Variants in RBFOX1 observed in about 807,000 individuals in gnomAD.
RBFOX1 encodes the protein RNA binding protein fox-1 homolog 1.
RBFOX1 carries 8 observed loss-of-function variants against 57.7 expected under a neutral mutation model. The observed-to-expected ratio is 0.14, with a 90% CI of 0.08 to 0.25. The LOEUF (loss-of-function observed/expected upper bound fraction) is 0.25. Among genes scored for constraint, RBFOX1 ranks in the 10% least tolerant of loss-of-function variants. The pLI, the probability that RBFOX1 is intolerant of heterozygous loss-of-function variation, is 1.00. For missense variants in RBFOX1, 611 were observed against 548.5 expected, an observed-to-expected ratio of 1.11 and a Z score of -1.14; for synonymous variants, 326 against 222.4, an observed-to-expected ratio of 1.47 and a Z score of -4.15.
intron 4 of RBFOX1, among the ~76,000 whole-genome samples, chr16:5,875,345 C>A (rs998187219): frequency 3.9e-5 from 6 of 152,190 alleles, no homozygotes; most frequent in Admixed American, 1.3e-4. Flanking sequence ...AACACCTGGG[C>A]TGTCTCCACT....
intron 3 of RBFOX1, among the ~76,000 whole-genome samples, chr16:6,892,771 TCTCC>T (rs879408489): frequency 0.095 from 5,548 of 58,576 alleles, 557 homozygotes; most frequent in South Asian, 0.18. Context: ...AGCCTCCCTG[TCTCC>T]CTCTCTCTCT....
intron 3 of RBFOX1, among the ~76,000 whole-genome samples, chr16:7,018,585 A>G (rs1426347927): frequency 3.3e-5 from 5 of 152,070 alleles, no homozygotes; most frequent in African/African-American, 1.2e-4. Context: ...TCCTTTGGGT[A>G]TTTACCCAGT....
At chr16:5,811,062 A>C (rs896642185) in intron 3 of RBFOX1, among the ~76,000 whole-genome samples, 1 of 151,774 alleles carries the variant, frequency 6.6e-6, no homozygotes, top group Admixed American at 6.6e-5. Flanking sequence ...TCCTCCTCAG[A>C]CAACCACTGA....
chr16:7,143,511 C>A (rs116567744), intron 4 of RBFOX1, among the ~76,000 whole-genome samples: 5 of 152,194 alleles, frequency 3.3e-5, no homozygotes, highest in African/African-American at 9.6e-5. Context: ...CTACCCCCGC[C>A]CCTGGAGGCA....
intron 3 of RBFOX1, among the ~76,000 whole-genome samples, chr16:5,738,635 G>GAAAACAAAAA (rs2052666116): frequency 1.6e-5 from 1 of 61,192 alleles, no homozygotes; most frequent in Non-Finnish European, 3.0e-5. Flanking sequence ...CTCTGTCTCA[G>GAAAACAAAAA]AAAAAAAAAA....
chr16:6,996,531 T>G (rs2092263548), intron 3 of RBFOX1, among the ~76,000 whole-genome samples: 1 of 152,222 alleles, frequency 6.6e-6, no homozygotes, highest in South Asian at 2.1e-4. Flanking sequence ...TTGCATACAT[T>G]GTAGTTACTA....
chr16:5,722,662 G>T (rs186345751), intron 3 of RBFOX1, among the ~76,000 whole-genome samples: 1 of 152,120 alleles, frequency 6.6e-6, no homozygotes, highest in Non-Finnish European at 1.5e-5. Context: ...AGACATAGGT[G>T]GTTTCACCTT....
intron 2 of RBFOX1, among the ~76,000 whole-genome samples, chr16:6,465,335 A>C (rs1011698127): frequency 6.6e-6 from 1 of 152,230 alleles, no homozygotes; most frequent in Non-Finnish European, 1.5e-5. Context: ...TTCGTAAAGA[A>C]TAGTACATAC....
At chr16:7,035,636 G>A (rs1435060055) in intron 3 of RBFOX1, among the ~76,000 whole-genome samples, 1 of 152,110 alleles carries the variant, frequency 6.6e-6, no homozygotes, top group Admixed American at 6.6e-5. Context: ...AGCTCTCTGA[G>A]CTCGGTCATT....
rs138876477 is a variant in RBFOX1 at position 7,166,898 on chromosome 16, C to G, written c.27+114800C>G. Among the ~76,000 whole-genome samples, 513 of 149,258 alleles carry G rather than the reference C, an allele frequency of 3.4e-3. 5 individuals are homozygous for G. Among genetic ancestry groups the G allele is most frequent in the East Asian group, 0.017 (84 of 5,062 alleles). On this transcript the variant is annotated intron_variant, in intron 4 of 15. Transcript: ENST00000550418. ...CTGCACAGACACAGCCACCAGTAGC[C>G]TTGCTCTCATTTGAGTTTTTCTTTC...
intron 3 of RBFOX1, among the ~76,000 whole-genome samples, chr16:6,738,802 G>A (rs1231579785): frequency 6.6e-6 from 1 of 152,066 alleles, no homozygotes; most frequent in African/African-American, 2.4e-5. Flanking sequence ...GACAACAGTA[G>A]AATCAAACTA....
chr16:5,432,475 T>A (rs1421698342), intron 1 of RBFOX1, among the ~76,000 whole-genome samples: 1 of 151,990 alleles, frequency 6.6e-6, no homozygotes, highest in East Asian at 1.9e-4. Flanking sequence ...GGTGTTGGAT[T>A]AAGTTAAAGG....
intron 5 of RBFOX1, among the ~76,000 whole-genome samples, chr16:7,566,182 A>G (rs1202840699): frequency 6.6e-6 from 1 of 152,180 alleles, no homozygotes; most frequent in Admixed American, 6.5e-5. Flanking sequence ...TTCTAATAAG[A>G]AAACCTGTCA....
chr16:7,662,528 T>C (rs1367824806), intron 12 of RBFOX1, among the ~76,000 whole-genome samples: 2 of 152,184 alleles, frequency 1.3e-5, no homozygotes, highest in Non-Finnish European at 2.9e-5. Flanking sequence ...GTCCATCTTC[T>C]AGGTAACAAG....
intron 4 of RBFOX1, among the ~76,000 whole-genome samples, chr16:7,492,728 T>C (rs2067324586): frequency 6.6e-6 from 1 of 152,060 alleles, no homozygotes; most frequent in Non-Finnish European, 1.5e-5. Context: ...TGAATTGTTG[T>C]GAAAGCTGAC....
chr16:7,195,443 G>C (rs1346756925), intron 4 of RBFOX1, among the ~76,000 whole-genome samples: 1 of 152,192 alleles, frequency 6.6e-6, no homozygotes, highest in Non-Finnish European at 1.5e-5. Flanking sequence ...GCAGGTGGCT[G>C]TCCTCTAATA....
At chr16:7,570,853 T>C (rs546777357) in intron 5 of RBFOX1, among the ~76,000 whole-genome samples, 106 of 152,242 alleles carry the variant, frequency 7.0e-4, no homozygotes, top group African/African-American at 9.1e-4. Context: ...CCATCAATGA[T>C]AGATTAAAGA....
chr16:6,665,165 A>T (rs2098723934), intron 3 of RBFOX1, among the ~76,000 whole-genome samples: 1 of 152,162 alleles, frequency 6.6e-6, no homozygotes, highest in South Asian at 2.1e-4. Context: ...ACCTGTGGAG[A>T]AAAGGCGCTT....
chr16:6,655,094 C>T (rs1292477713), intron 3 of RBFOX1, among the ~76,000 whole-genome samples: 1 of 151,714 alleles, frequency 6.6e-6, no homozygotes, highest in East Asian at 1.9e-4. Context: ...GAGCTCACGG[C>T]CAGGTGTGGT....
Sources: allele counts gnomAD v4.1 joint callset (sites outside exome capture counted in the v4.1 genomes callset), GRCh38; gene constraint gnomAD v4.1.1; transcripts MANE v1.5; gene names NCBI Gene and HGNC (gene_info 2026-07-23, HGNC 2026-07-21).